PPARGC1A: variants seen among roughly 807,000 people sequenced by gnomAD.
The protein encoded by PPARGC1A is peroxisome proliferator-activated receptor gamma coactivator 1-alpha.
A neutral mutation model predicts 88.7 loss-of-function variants in PPARGC1A; 25 were observed. The observed-to-expected ratio is 0.28, with a 90% CI of 0.21 to 0.39. The LOEUF (loss-of-function observed/expected upper bound fraction) is 0.39. PPARGC1A is among the 10% of genes least tolerant of loss of function. The pLI is 1.00. For missense variants in PPARGC1A, 880 were observed against 968.7 expected (o/e 0.91, Z 1.22); for synonymous variants, 363 against 355.6 (o/e 1.02, Z -0.24).
the PPARGC1A span, among the ~76,000 whole-genome samples, chr4:24,297,502 G>C: frequency 6.6e-6 from 1 of 151,762 alleles, no homozygotes; most frequent in Non-Finnish European, 1.5e-5. Flanking sequence ...ACTCCATAGA[G>C]GCCAACGAAC....
chr4:24,339,231 T>TACACACACAC, the PPARGC1A span, among the ~76,000 whole-genome samples: 2 of 121,354 alleles, frequency 1.6e-5, no homozygotes, highest in African/African-American at 6.3e-5. Context: ...TATATATATA[T>TACACACACAC]ATATATACAC....
the PPARGC1A span, among the ~76,000 whole-genome samples, chr4:24,188,024 C>T: frequency 1.3e-5 from 2 of 152,096 alleles, no homozygotes; most frequent in East Asian, 3.9e-4. Flanking sequence ...AGCATATATC[C>T]AAAAGCCTGA....
the PPARGC1A span, among the ~76,000 whole-genome samples, chr4:24,084,123 C>T: frequency 1.3e-5 from 2 of 152,164 alleles, no homozygotes; most frequent in Non-Finnish European, 2.9e-5. Flanking sequence ...CTGCCTTTTA[C>T]CTATCTTTGT....
intron 7 of PPARGC1A, among the ~76,000 whole-genome samples, chr4:23,820,958 G>C (rs193247448): frequency 1.5e-4 from 23 of 152,168 alleles, no homozygotes; most frequent in East Asian, 1.2e-3. Context: ...GTAGACCAAG[G>C]ATCAACAAAC....
chr4:24,339,328 T>C, the PPARGC1A span, among the ~76,000 whole-genome samples: 8 of 151,718 alleles, frequency 5.3e-5, no homozygotes, highest in African/African-American at 1.5e-4. Flanking sequence ...CAGTACTCTT[T>C]GCATGATGTT....
the PPARGC1A span, among the ~76,000 whole-genome samples, chr4:24,285,787 T>G: frequency 6.6e-6 from 1 of 152,288 alleles, no homozygotes; most frequent in South Asian, 2.1e-4. Flanking sequence ...GTGTACAAAC[T>G]TTTCTCCCTC....
At chr4:24,020,106 C>T in the PPARGC1A span, among the ~76,000 whole-genome samples, 275 of 152,250 alleles carry the variant, frequency 1.8e-3, no homozygotes, top group African/African-American at 6.0e-3. Context: ...CAAACTCCAT[C>T]CACTCCTTCA....
intron 1 of PPARGC1A, among the ~76,000 whole-genome samples, chr4:23,887,182 C>T (rs1292851251): frequency 6.6e-6 from 1 of 151,962 alleles, no homozygotes; most frequent in Admixed American, 6.6e-5. Context: ...CCTTTCCTTC[C>T]TCTCACTTGT....
chr4:24,142,110 T>G, the PPARGC1A span, among the ~76,000 whole-genome samples: 2 of 152,142 alleles, frequency 1.3e-5, no homozygotes, highest in Non-Finnish European at 2.9e-5. Context: ...GCCCACACAG[T>G]CCAAGCACCT....
chr4:24,363,985 G>A, the PPARGC1A span, among the ~76,000 whole-genome samples: 8 of 152,120 alleles, frequency 5.3e-5, no homozygotes, highest in Non-Finnish European at 1.2e-4. Context: ...TGTTCCTTAT[G>A]TAATCAGTAG....
Position 23,814,181 on chromosome 4 carries a change from C to T in PPARGC1A, c.1302G>A (p.Leu434=). ...CSSTDSDQCY[L]RETLEASKQV... is the part of the protein sequence containing the mutation. ...GCTTGCTTGCCTCCAAAGTCTCTCTCAGGTAGCACTGGTCTGAATCTGTGG... is the reference window on the plus strand; with the variant it reads ...GCTTGCTTGCCTCCAAAGTCTCTCTTAGGTAGCACTGGTCTGAATCTGTGG... The change falls in exon 8 of 13, where the codon CTG becomes CTA. Residue 434 remains leucine (L), a synonymous_variant. Coordinates refer to ENST00000264867, the MANE Select transcript of PPARGC1A (RefSeq NM_013261.5). 6.2e-7 allele frequency: 1 copy of T among 1,614,062 alleles called. No homozygotes were observed. The highest frequency in any genetic ancestry group is 2.2e-5 in the East Asian group (1 of 44,866).
chr4:24,192,235 G>A, the PPARGC1A span, among the ~76,000 whole-genome samples: 2 of 152,136 alleles, frequency 1.3e-5, no homozygotes, highest in African/African-American at 2.4e-5. Context: ...ATGTGACCTT[G>A]GACCAGTCTT....
the PPARGC1A span, among the ~76,000 whole-genome samples, chr4:24,368,348 C>T: frequency 1.9e-4 from 29 of 152,244 alleles, no homozygotes; most frequent in Admixed American, 1.6e-3. Context: ...GGGACAGCCG[C>T]AGAAGGTTAA....
chr4:24,238,928 A>G, the PPARGC1A span, among the ~76,000 whole-genome samples: 1 of 151,964 alleles, frequency 6.6e-6, no homozygotes, highest in Non-Finnish European at 1.5e-5. Context: ...ATTCTTTGGG[A>G]ATTTTTACAT....
chr4:24,396,822 A>G, the PPARGC1A span, among the ~76,000 whole-genome samples: 2 of 152,082 alleles, frequency 1.3e-5, no homozygotes, highest in East Asian at 1.9e-4. Flanking sequence ...AATTTCTGCA[A>G]CTAAAACACT....
chr4:24,358,464 A>C, the PPARGC1A span, among the ~76,000 whole-genome samples: 1 of 152,146 alleles, frequency 6.6e-6, no homozygotes, highest in East Asian at 1.9e-4. Flanking sequence ...GCTCCTAAAC[A>C]CTACTTTTTG....
chr4:24,313,931 A>C, the PPARGC1A span, among the ~76,000 whole-genome samples: 1 of 152,252 alleles, frequency 6.6e-6, no homozygotes, highest in African/African-American at 2.4e-5. Flanking sequence ...ATGAATTACA[A>C]GAAGTTGTAA....
chr4:24,144,426 G>T, the PPARGC1A span, among the ~76,000 whole-genome samples: 1 of 151,990 alleles, frequency 6.6e-6, no homozygotes, highest in East Asian at 1.9e-4. Context: ...TGGCTTTAAG[G>T]ACAGCTTCCC....
At chr4:24,199,228 C>T in the PPARGC1A span, among the ~76,000 whole-genome samples, 1 of 152,164 alleles carries the variant, frequency 6.6e-6, no homozygotes, top group Non-Finnish European at 1.5e-5. Flanking sequence ...GTTGGATTAG[C>T]TTATTCATTT....
Sources: allele counts gnomAD v4.1 joint callset (sites outside exome capture counted in the v4.1 genomes callset), GRCh38; gene constraint gnomAD v4.1.1; transcripts MANE v1.5; gene names NCBI Gene and HGNC (gene_info 2026-07-23, HGNC 2026-07-21).